BTG4: variants seen among roughly 807,000 people sequenced by gnomAD.
The protein encoded by BTG4 is protein BTG4.
Under a neutral mutation model 19.3 loss-of-function variants are expected in BTG4, and 10 were observed. That is an observed-to-expected ratio of 0.52 (90% CI 0.32 to 0.88). BTG4 has a LOEUF of 0.88. BTG4 is among the 40% of genes least tolerant of loss of function. The pLI is 0.04. For missense variants in BTG4, 238 were observed against 281.9 expected, an observed-to-expected ratio of 0.84 and a Z score of 1.11; for synonymous variants, 91 against 95.7, an observed-to-expected ratio of 0.95 and a Z score of 0.29.
the BTG4 span, among the ~76,000 whole-genome samples, chr11:111,428,090 G>T: frequency 1.3e-5 from 2 of 152,204 alleles, no homozygotes; most frequent in South Asian, 4.1e-4. Context: ...CTCGCCAAGA[G>T]CTAGGATAAA....
At chr11:111,412,733 C>T in the BTG4 span, among the ~76,000 whole-genome samples, 1 of 152,184 alleles carries the variant, frequency 6.6e-6, no homozygotes, top group Non-Finnish European at 1.5e-5. Context: ...ACCAAGATCA[C>T]TCAGCTAGCA....
chr11:111,407,929 AT>A, the BTG4 span, among the ~76,000 whole-genome samples: 5 of 152,178 alleles, frequency 3.3e-5, no homozygotes, highest in African/African-American at 1.2e-4. Context: ...TCCAATGAGA[AT>A]CAGAAGGGCA....
chr11:111,478,645 T>C (rs978514323), intron 5 of BTG4, among the ~76,000 whole-genome samples: 6 of 151,984 alleles, frequency 3.9e-5, no homozygotes, highest in Non-Finnish European at 8.8e-5. Flanking sequence ...CAGCAACGAA[T>C]GGTAAAGTCA....
At chr11:111,438,022 C>T in the BTG4 span, among the ~76,000 whole-genome samples, 2 of 152,172 alleles carry the variant, frequency 1.3e-5, no homozygotes, top group Non-Finnish European at 2.9e-5. Flanking sequence ...CAACATTCTA[C>T]ACCCACCAGG....
chr11:111,403,698 A>G, the BTG4 span, among the ~76,000 whole-genome samples: 3 of 152,238 alleles, frequency 2.0e-5, no homozygotes, highest in Admixed American at 6.5e-5. Flanking sequence ...AGAGCTTGGC[A>G]TTTATCAGAT....
the BTG4 span, chr11:111,397,141 A>G: frequency 6.6e-6 from 1 of 152,186 alleles, no homozygotes; most frequent in Non-Finnish European, 1.5e-5. Flanking sequence ...TTTAATCCGT[A>G]TGACACCCAT....
the BTG4 span, chr11:111,456,417 C>A: frequency 2.3e-6 from 1 of 430,374 alleles, no homozygotes; most frequent in South Asian, 1.6e-5. The surrounding 1 kb of genome is among the most constrained non-coding windows in gnomAD (Gnocchi z 4.2). Flanking sequence ...GAGTTCTCAC[C>A]AGCTCCTTCC....
the BTG4 span, among the ~76,000 whole-genome samples, chr11:111,391,973 A>G: frequency 6.6e-6 from 1 of 151,996 alleles, no homozygotes; most frequent in Non-Finnish European, 1.5e-5. Context: ...GCATTCTCGG[A>G]ATCAGTCACA....
the BTG4 span, chr11:111,459,793 G>C: frequency 6.5e-6 from 1 of 152,672 alleles, no homozygotes; most frequent in Non-Finnish European, 1.5e-5. Flanking sequence ...GATGGCAAAG[G>C]TAGGAGAGAA....
chr11:111,489,636 A>G (rs1026335908), intron 5 of BTG4, among the ~76,000 whole-genome samples: 1 of 152,234 alleles, frequency 6.6e-6, no homozygotes, highest in Non-Finnish European at 1.5e-5. Context: ...AAAAAAGAAT[A>G]AAATCCTATC....
chr11:111,444,528 T>A, the BTG4 span, among the ~76,000 whole-genome samples: 1 of 152,236 alleles, frequency 6.6e-6, no homozygotes, highest in East Asian at 1.9e-4. Flanking sequence ...GAATAAGACC[T>A]ACTATTTGAT....
At chr11:111,433,145 C>T in the BTG4 span, among the ~76,000 whole-genome samples, 254 of 152,130 alleles carry the variant, frequency 1.7e-3, no homozygotes, top group African/African-American at 5.6e-3. Context: ...TTGCAATGGG[C>T]GCAATATAAA....
At chr11:111,437,124 C>T in the BTG4 span, among the ~76,000 whole-genome samples, 2 of 152,236 alleles carry the variant, frequency 1.3e-5, no homozygotes, top group African/African-American at 4.8e-5. Context: ...TGCTGCAGCC[C>T]CCAGCAGCCC....
chr11:111,495,380 T>C, intron 4 of BTG4, 66 bp from the exon 5 acceptor site: 1 of 1,393,522 alleles, frequency 7.2e-7, no homozygotes, highest in Non-Finnish European at 9.9e-7. Flanking sequence ...AACCCATAAT[T>C]CAAAAGTCAG....
chr11:111,427,373 G>A, the BTG4 span, among the ~76,000 whole-genome samples: 4 of 152,166 alleles, frequency 2.6e-5, no homozygotes, highest in Non-Finnish European at 5.9e-5. Context: ...AATCATGGCC[G>A]CTCACCCAGC....
At chr11:111,469,834 G>A (rs966023956) in intron 5 of BTG4, 1 of 152,676 alleles carries the variant, frequency 6.5e-6, no homozygotes, top group Non-Finnish European at 1.5e-5. Flanking sequence ...CACTGAGAAT[G>A]GCAGCAGTTT....
At chr11:111,406,455 G>A in the BTG4 span, among the ~76,000 whole-genome samples, 4 of 152,200 alleles carry the variant, frequency 2.6e-5, no homozygotes, top group Non-Finnish European at 5.9e-5. Context: ...CTTGTGCCCA[G>A]TGTCTTGCCT....
chr11:111,449,046 C>T, the BTG4 span, among the ~76,000 whole-genome samples: 3,719 of 152,176 alleles, frequency 0.024, 143 homozygotes, highest in African/African-American at 0.084. Flanking sequence ...CCAACTTGAA[C>T]GTTCTCTGCA....
the BTG4 span, among the ~76,000 whole-genome samples, chr11:111,427,372 C>T: frequency 0.29 from 44,096 of 152,052 alleles, 6,700 homozygotes; most frequent in Admixed American, 0.33. Context: ...TAATCATGGC[C>T]GCTCACCCAG....
Sources: gnomAD v4.1 joint callset for allele counts (sites outside exome capture counted in the v4.1 genomes callset) on GRCh38, gnomAD v4.1.1 for gene constraint, Gnocchi (gnomAD v3.1) non-coding constraint, MANE v1.5 for transcripts, NCBI Gene and HGNC (gene_info 2026-07-23, HGNC 2026-07-21) for gene names.